NR2E1: variants seen among roughly 807,000 people sequenced by gnomAD.
NR2E1 encodes nuclear receptor subfamily 2 group E member 1, also known as nuclear receptor TLX.
A neutral mutation model predicts 43.6 loss-of-function variants in NR2E1; 5 were observed. The observed-to-expected ratio is 0.11, with a 90% CI of 0.06 to 0.24. The LOEUF is 0.24. Among genes scored for constraint, NR2E1 ranks in the 10% least tolerant of loss-of-function variants. The pLI is 1.00. For synonymous variants in NR2E1, 191 were observed against 195.5 expected (o/e 0.98, Z 0.19); for missense variants, 287 against 496.7 (o/e 0.58, Z 4.01).
intron 2 of NR2E1, 152 bp downstream of exon 2, chr6:108,171,755 T>G: frequency 9.7e-7 from 1 of 1,032,052 alleles, no homozygotes; most frequent in East Asian, 2.4e-5. Context: ...CCTCAACTCT[T>G]GGAGGCCCTT....
At chr6:108,167,946 G>T in intron 1 of NR2E1, 1 of 1,461,572 alleles carries the variant, frequency 6.8e-7, no homozygotes, top group Non-Finnish European at 9.2e-7. Context: ...GAAGGAGGTT[G>T]TGTTTTCATT....
rs532506987 is a variant in NR2E1, at chr6:108,169,748, C to T, written c.26-1710C>T. ...TTGCCTGGCCCTCTCCAGCCCCTCC[C>T]TCCCACAGCACAATCTCCCCTCCCG... On this transcript the variant is annotated intron_variant, in intron 1 of 8. Coordinates refer to ENST00000368986, the MANE Select transcript of NR2E1 (RefSeq NM_003269.5). The surrounding 1 kb of genome is among the most constrained non-coding windows in gnomAD (Gnocchi z 6.1). 3.4e-3 allele frequency among the ~76,000 whole-genome samples: 513 copies of T among 152,164 alleles called. 3 individuals are homozygous for T. The highest frequency in any genetic ancestry group is 5.6e-3 in the Non-Finnish European group (384 of 67,974).
intron 8 of NR2E1, among the ~76,000 whole-genome samples, chr6:108,183,855 G>T (rs990338998): frequency 3.9e-5 from 6 of 152,096 alleles, no homozygotes; most frequent in Admixed American, 3.3e-4. Flanking sequence ...GTTAATATTT[G>T]TTCAAATTTA....
intron 1 of NR2E1, 35 bp from the exon 2 acceptor site, chr6:108,171,423 C>A (rs1249797000): frequency 6.2e-7 from 1 of 1,612,664 alleles, no homozygotes; most frequent in Non-Finnish European, 8.5e-7. Flanking sequence ...CCCTCTCGCC[C>A]CTTCCCCCCT....
At chr6:108,168,140 C>T (rs761467314) in intron 1 of NR2E1, 17 of 1,599,258 alleles carry the variant, frequency 1.1e-5, no homozygotes, top group African/African-American at 1.3e-5. Context: ...TACCCTGGCC[C>T]TCGCTGTTGG....
At chr6:108,186,079 G>T (rs1035502580) in intron 8 of NR2E1, among the ~76,000 whole-genome samples, 27 of 152,170 alleles carry the variant, frequency 1.8e-4, no homozygotes, top group Non-Finnish European at 3.1e-4. Flanking sequence ...ACACGGATTT[G>T]GGGATTACTT....
Position 108,166,804 on chromosome 6 carries a change from G to T in NR2E1, c.25+14G>T, listed in dbSNP as rs745593079. On this transcript the variant is annotated intron_variant, in intron 1 of 8. Coordinates refer to ENST00000368986, the MANE Select transcript of NR2E1 (RefSeq NM_003269.5). The surrounding 1 kb of genome is among the most constrained non-coding windows in gnomAD (Gnocchi z 7.2). ...CCGGATCAACAAGTGGGTACCTCTC[G>T]GGCCGCCGTGGGGCCTAGGCGCGCA... 13 of 1,589,636 alleles carry T rather than the reference G, an allele frequency of 8.2e-6. No individual in the cohort carries two copies. Among genetic ancestry groups the T allele is most frequent in the Non-Finnish European group, 1.1e-5 (13 of 1,171,736 alleles).
At chr6:108,175,929 A>C (rs1773888936) in intron 3 of NR2E1, among the ~76,000 whole-genome samples, 1 of 152,234 alleles carries the variant, frequency 6.6e-6, no homozygotes, top group Admixed American at 6.5e-5. Context: ...GCCTTTCTCC[A>C]GCATACTCGG....
intron 3 of NR2E1, among the ~76,000 whole-genome samples, chr6:108,175,792 G>A (rs1201621730): frequency 3.3e-5 from 5 of 152,252 alleles, no homozygotes; most frequent in South Asian, 2.1e-4. Flanking sequence ...TGCGGCGCAG[G>A]AAGCCGGAGG....
At position 108,169,856 on chromosome 6, in the gene NR2E1, T is replaced by A. The variant is rs1423714375; in HGVS notation, c.26-1602T>A. Among the ~76,000 whole-genome samples, 1 of 152,120 alleles carries A rather than the reference T, an allele frequency of 6.6e-6. No homozygotes were observed. The highest frequency in any genetic ancestry group is 2.4e-5 in the African/African-American group (1 of 41,412). ...GCCTTTGTCGCCGTCCGAATTCCCA[T>A]GCTACTCTTTTTGACGGGTCACTGG... On this transcript the variant is annotated intron_variant, in intron 1 of 8. Transcript: ENST00000368986. The surrounding 1 kb of genome is among the most constrained non-coding windows in gnomAD (Gnocchi z 6.1).
At chr6:108,171,627 C>T (rs1185204461) in intron 2 of NR2E1, 24 bp downstream of exon 2, 5 of 1,613,540 alleles carry the variant, frequency 3.1e-6, no homozygotes, top group Non-Finnish European at 3.4e-6. Context: ...GGCTGCACTG[C>T]TGGGCTCCGC....
chr6:108,184,714 AG>A (rs1774046495), intron 8 of NR2E1, among the ~76,000 whole-genome samples: 1 of 152,168 alleles, frequency 6.6e-6, no homozygotes, highest in African/African-American at 2.4e-5. Context: ...AGCTGCTGAT[AG>A]GGTGGCCCGA....
Position 108,180,215 on chromosome 6 carries a change from G to A in NR2E1, c.643-108G>A. 2 of 771,646 alleles carry A rather than the reference G, an allele frequency of 2.6e-6. No homozygotes were observed. Among genetic ancestry groups the A allele is most frequent in the Non-Finnish European group, 4.4e-6 (2 of 459,306 alleles). 47.8% of individuals were successfully genotyped at this position (771,646 alleles called of 1,614,324 possible). A position where few individuals can be genotyped will look rare whatever the true frequency, so the allele number is the denominator to read the frequency against. Reference sequence around the variant, plus strand: ...TAGAATATTCAGAAAAAATTACCAAGACAGGCATTTAAAACACTTTTTAAA... The same window carrying A: ...TAGAATATTCAGAAAAAATTACCAAAACAGGCATTTAAAACACTTTTTAAA... On this transcript the variant is annotated intron_variant, in intron 5 of 8. Coordinates refer to ENST00000368986, the MANE Select transcript of NR2E1 (RefSeq NM_003269.5). The surrounding 1 kb of genome is among the most constrained non-coding windows in gnomAD (Gnocchi z 5.4).
chr6:108,167,509 C>T (rs1449604686), intron 1 of NR2E1, among the ~76,000 whole-genome samples: 1 of 152,134 alleles, frequency 6.6e-6, no homozygotes. Flanking sequence ...GACCTCTCAC[C>T]ACCCCGAGAC....
Position 108,171,610 on chromosome 6 carries a change from T to C in NR2E1, c.171+7T>C. On this transcript the variant is annotated splice_region_variant and intron_variant, in intron 2 of 8. Coordinates refer to ENST00000368986, the MANE Select transcript of NR2E1 (RefSeq NM_003269.5). ...CTGCAAATCTGGAAACCAGGTACCT[T>C]AGCCAGGGCTGCACTGCTGGGCTCC... 9 of 1,613,904 alleles carry C rather than the reference T, an allele frequency of 5.6e-6. No homozygotes were observed. The highest frequency in any genetic ancestry group is 7.6e-6 in the Non-Finnish European group (9 of 1,179,974).
Position 108,176,633 on chromosome 6 carries a change from C to G in NR2E1, c.390C>G (p.Phe130Leu), listed in dbSNP as rs769607470. The G allele has an allele frequency of 6.2e-7, 1 of 1,610,490 alleles. No individual in the cohort carries two copies. Among genetic ancestry groups the G allele is most frequent in the Admixed American group, 1.7e-5 (1 of 59,878 alleles). ...FPSAALPAPA[F>L]FTAVTQLEPH... ...CGGCGGCGCTCCCTGCGCCGGCCTT[C>G]TTCACCGCGGTCACGCAGCTGGAGC... is the stretch of plus-strand genomic sequence containing the variant. Residue 130 changes from phenylalanine (F) to leucine (L), a missense_variant, in exon 4 of 9, where the codon TTC (phenylalanine) becomes TTG (leucine). This residue lies in a region of NR2E1 where 119 missense variants were observed against 155.7 expected (regional missense o/e 0.76). Coordinates refer to ENST00000368986, the MANE Select transcript of NR2E1 (RefSeq NM_003269.5).
At chr6:108,187,254 A>T in intron 8 of NR2E1, 47 bp from the exon 9 acceptor site, 1 of 1,609,134 alleles carries the variant, frequency 6.2e-7, no homozygotes, top group South Asian at 1.1e-5. Context: ...GTTAGTTTCC[A>T]TAAGTAATGG....
At chr6:108,177,997 A>C in intron 4 of NR2E1, 98 bp from the exon 5 acceptor site, 2 of 1,322,798 alleles carry the variant, frequency 1.5e-6, no homozygotes, top group Non-Finnish European at 2.2e-6. Flanking sequence ...ATTCTTTTTT[A>C]TCCCCTTCCT....
Position 108,187,472 on chromosome 6 carries a change from G to C in NR2E1, c.*9G>C, listed in dbSNP as rs1774093644. 6.2e-7 allele frequency: 1 copy of C among 1,613,856 alleles called. No homozygotes were observed. Among genetic ancestry groups the C allele is most frequent in the Admixed American group, 1.7e-5 (1 of 60,010 alleles). On this transcript the variant is annotated 3_prime_UTR_variant, in exon 9 of 9. Transcript: ENST00000368986. ...AATCCAGTGATATCTAAGCTCACAAGATACCCACTTTTCAGGATGGGACAG... is the reference window on the plus strand; with the variant it reads ...AATCCAGTGATATCTAAGCTCACAACATACCCACTTTTCAGGATGGGACAG...
Sources: allele counts gnomAD v4.1 joint callset (sites outside exome capture counted in the v4.1 genomes callset), GRCh38; gene constraint gnomAD v4.1.1; regional missense constraint gnomAD v4.1.1; non-coding constraint Gnocchi (gnomAD v3.1); transcripts MANE v1.5; gene names NCBI Gene and HGNC (gene_info 2026-07-23, HGNC 2026-07-21).